Variants in MRRF observed in about 807,000 individuals in gnomAD.
MRRF encodes ribosome-recycling factor, mitochondrial.
MRRF carries 18 observed loss-of-function variants against 25.1 expected under a neutral mutation model. That is an observed-to-expected ratio of 0.72 (90% CI 0.50 to 1.06). The LOEUF (loss-of-function observed/expected upper bound fraction) is 1.06. MRRF is among the 50% of genes least tolerant of loss of function. The probability of loss-of-function intolerance (pLI) is 0.00; values close to 1 mark genes in which losing one functional copy is unlikely to be tolerated. For missense variants in MRRF, 323 were observed against 319.3 expected, an observed-to-expected ratio of 1.01 and a Z score of -0.09; for synonymous variants, 113 against 112.1, an observed-to-expected ratio of 1.01 and a Z score of -0.05.
intron 3 of MRRF, among the ~76,000 whole-genome samples, chr9:122,282,591 T>TA (rs1833147687): frequency 6.6e-6 from 1 of 152,252 alleles, no homozygotes; most frequent in Non-Finnish European, 1.5e-5. Context: ...TTGGGCAAGT[T>TA]ACTCTGTATG....
chr9:122,310,678 G>T (rs932266994), intron 5 of MRRF, among the ~76,000 whole-genome samples: 14 of 152,164 alleles, frequency 9.2e-5, no homozygotes, highest in African/African-American at 3.4e-4. Flanking sequence ...GCCTCTTCTG[G>T]AGCTCCTTGG....
At position 122,313,397 on chromosome 9, in the gene MRRF, C is replaced by T; in HGVS notation, c.711+11C>T. On this transcript the variant is annotated intron_variant, in intron 6 of 6. Transcript: ENST00000344641. ...CTAATAGAGAAACAGGTACTATTGC[C>T]AGCAATGTAGTAGTGTCTGTGTATT... 7.4e-6 allele frequency: 12 copies of T among 1,613,336 alleles called. No individual in the cohort carries two copies. Among genetic ancestry groups the T allele is most frequent in the Non-Finnish European group, 1.0e-5 (12 of 1,179,362 alleles).
chr9:122,288,962 A>G (rs936010092), intron 4 of MRRF, among the ~76,000 whole-genome samples: 3 of 152,162 alleles, frequency 2.0e-5, no homozygotes, highest in African/African-American at 7.2e-5. Context: ...TTGCCCTGTG[A>G]TACTGTCGAG....
At chr9:122,314,162 C>T (rs1409269301) in intron 6 of MRRF, among the ~76,000 whole-genome samples, 2 of 152,146 alleles carry the variant, frequency 1.3e-5, no homozygotes, top group East Asian at 3.8e-4. Context: ...AATATCAAAG[C>T]ATTATTTCTT....
chr9:122,267,051 C>A (rs1321026868), intron 1 of MRRF, among the ~76,000 whole-genome samples: 2 of 136,802 alleles, frequency 1.5e-5, no homozygotes, highest in African/African-American at 2.8e-5. Context: ...GCCTGGGCGA[C>A]AGAGTGAGAC....
In MRRF at chr9:122,327,779, C is replaced by T. The variant is rs1820335621; in HGVS notation, c.*5162C>T. The T allele has an allele frequency of 6.6e-6, 1 of 151,936 alleles. No individual in the cohort carries two copies. Among genetic ancestry groups the T allele is most frequent in the Admixed American group, 6.6e-5 (1 of 15,250 alleles). The allele number at this position is 151,936 out of a possible 1,614,324, so 9.4% of individuals were successfully genotyped here. On this transcript the variant is annotated 3_prime_UTR_variant, in exon 7 of 7. Transcript: ENST00000344641. The stretch of plus-strand genomic sequence containing the variant: ...GTCTGAATTTTATCTTGTTGTATAT[C>T]AGGATTACAGCTCTTGCTTGCTTTT...
At chr9:122,269,380 G>T (rs1325892772) in intron 1 of MRRF, among the ~76,000 whole-genome samples, 1 of 152,028 alleles carries the variant, frequency 6.6e-6, no homozygotes, top group East Asian at 1.9e-4. Flanking sequence ...AGGCTATTTT[G>T]TACATCATTA....
At chr9:122,277,240 T>C (rs1442676293) in intron 2 of MRRF, among the ~76,000 whole-genome samples, 1 of 152,220 alleles carries the variant, frequency 6.6e-6, no homozygotes, top group African/African-American at 2.4e-5. Context: ...ATCTTTCTGG[T>C]GAATTGTTTC....
chr9:122,288,367 A>G (rs180759371), intron 4 of MRRF, among the ~76,000 whole-genome samples: 13 of 152,302 alleles, frequency 8.5e-5, no homozygotes, highest in East Asian at 5.8e-4. Context: ...TTTGTTTCCT[A>G]TGATCAGTAC....
At chr9:122,304,967 G>A (rs552175276) in intron 5 of MRRF, among the ~76,000 whole-genome samples, 1 of 151,818 alleles carries the variant, frequency 6.6e-6, no homozygotes, top group East Asian at 1.9e-4. Context: ...TTTCCAGACA[G>A]GGTCTTGCTT....
rs111738680 is a variant in MRRF, at chr9:122,278,628, A to G, written c.185-1815A>G. 2.2e-3 allele frequency among the ~76,000 whole-genome samples: 332 copies of G among 152,308 alleles called. 2 individuals carry two copies. Among genetic ancestry groups the G allele is most frequent in the African/African-American group, 7.2e-3 (301 of 41,562 alleles). ...ACTATTCATTCCAATATTGACAGGC[A>G]TATCTTTAAATTATTAATGTGCATA... On this transcript the variant is annotated intron_variant, in intron 2 of 6. Coordinates refer to ENST00000344641, the MANE Select transcript of MRRF (RefSeq NM_138777.5).
chr9:122,311,505 C>T (rs1835205429), intron 5 of MRRF, among the ~76,000 whole-genome samples: 1 of 152,188 alleles, frequency 6.6e-6, no homozygotes, highest in African/African-American at 2.4e-5. Context: ...GTCACATTTG[C>T]ATTAATAAAT....
rs537165366 is a variant in MRRF, at chr9:122,328,711, G to A, written c.*6094G>A. 1.3e-5 allele frequency: 2 copies of A among 152,306 alleles called. No homozygotes were observed. The highest frequency in any genetic ancestry group is 2.9e-5 in the Non-Finnish European group (2 of 68,022). The allele number at this position is 152,306 out of a possible 1,614,324, so 9.4% of individuals were successfully genotyped here. A position where few individuals can be genotyped will look rare whatever the true frequency, so the allele number is the denominator to read the frequency against. On this transcript the variant is annotated 3_prime_UTR_variant, in exon 7 of 7. Coordinates refer to ENST00000344641, the MANE Select transcript of MRRF (RefSeq NM_138777.5). Reference sequence around the variant, plus strand: ...CTTTATTTTCAGTATTAACATAAGTGATTTGGTGTTTTAGCCCTAAGCAGA... The same window carrying A: ...CTTTATTTTCAGTATTAACATAAGTAATTTGGTGTTTTAGCCCTAAGCAGA...
At chr9:122,280,822 C>T (rs1030259937) in intron 3 of MRRF, among the ~76,000 whole-genome samples, 3 of 152,188 alleles carry the variant, frequency 2.0e-5, no homozygotes, top group East Asian at 1.9e-4. Context: ...TAGTGCCTGG[C>T]GCATAGTTAA....
At chr9:122,304,131 C>A (rs1197246817) in intron 5 of MRRF, among the ~76,000 whole-genome samples, 1 of 151,324 alleles carries the variant, frequency 6.6e-6, no homozygotes, top group African/African-American at 2.5e-5. Context: ...AAAAAACTCT[C>A]AAAGATGAAT....
chr9:122,272,942 T>G (rs771623424), intron 2 of MRRF, among the ~76,000 whole-genome samples: 3 of 152,140 alleles, frequency 2.0e-5, no homozygotes, highest in Non-Finnish European at 2.9e-5. Context: ...TTGTGTGAGT[T>G]TCTGTATATA....
intron 1 of MRRF, chr9:122,265,851 A>G: frequency 1.1e-6 from 1 of 926,540 alleles, no homozygotes; most frequent in Non-Finnish European, 1.5e-6. Flanking sequence ...AAAGTGTCTC[A>G]TTCCTTCTTT....
intron 5 of MRRF, among the ~76,000 whole-genome samples, chr9:122,292,099 G>A (rs1010682592): frequency 1.1e-4 from 17 of 152,144 alleles, no homozygotes; most frequent in African/African-American, 4.1e-4. Flanking sequence ...TGGGAAGGTA[G>A]GACAAATAAA....
intron 4 of MRRF, among the ~76,000 whole-genome samples, chr9:122,288,525 G>T (rs1833553702): frequency 6.6e-6 from 1 of 152,226 alleles, no homozygotes; most frequent in Non-Finnish European, 1.5e-5. Flanking sequence ...AAAAGCCTGT[G>T]CTCCTTTCAC....
Sources: allele counts gnomAD v4.1 joint callset (sites outside exome capture counted in the v4.1 genomes callset), GRCh38; gene constraint gnomAD v4.1.1; transcripts MANE v1.5; gene names NCBI Gene and HGNC (gene_info 2026-07-23, HGNC 2026-07-21).